Variants in PGLYRP2 observed in about 807,000 individuals in gnomAD.
PGLYRP2 encodes the protein peptidoglycan recognition protein 2.
A neutral mutation model predicts 46.2 loss-of-function variants in PGLYRP2; 38 were observed. That is an observed-to-expected ratio of 0.82 (90% confidence interval 0.64 to 1.08). PGLYRP2 has a LOEUF of 1.08. Among genes scored for constraint, PGLYRP2 ranks in the 50% least tolerant of loss-of-function variants. PGLYRP2 has a pLI of 0.00. For missense variants in PGLYRP2, 713 were observed against 755.9 expected (o/e 0.94, Z 0.67); for synonymous variants, 289 against 329.4 (o/e 0.88, Z 1.33).
At position 15,469,262 on chromosome 19, in the gene PGLYRP2, G is replaced by A; in HGVS notation, c.1641+370C>T. On this transcript the variant is annotated intron_variant, in intron 4 of 4. Transcript: ENST00000340880. The surrounding 1 kb of genome is among the most constrained non-coding windows in gnomAD (Gnocchi z 4.9). ...AGGATGAGGTGGTGCAGCCTGACAG[G>A]TTGTGACTTGGGTAGAGAAGTCATG... 1.7e-6 allele frequency: 1 copy of A among 605,004 alleles called. No individual in the cohort carries two copies. Among genetic ancestry groups the A allele is most frequent in the South Asian group, 1.9e-5 (1 of 51,282 alleles). 37.5% of individuals were successfully genotyped at this position (605,004 alleles called of 1,614,324 possible).
intron 3 of PGLYRP2, among the ~76,000 whole-genome samples, chr19:15,471,477 G>A (rs142967939): frequency 0.023 from 3,352 of 147,948 alleles, 57 homozygotes; most frequent in Middle Eastern, 0.045. Flanking sequence ...ATATTGCTCA[G>A]GCTGGTCTCG....
In PGLYRP2 at chr19:15,475,697, C is replaced by A. The variant is rs1186323864; in HGVS notation, c.973G>T (p.Ala325Ser). 1 of 1,614,036 alleles carries A rather than the reference C, an allele frequency of 6.2e-7. No individual in the cohort carries two copies. Among genetic ancestry groups the A allele is most frequent in the African/African-American group, 1.3e-5 (1 of 74,928 alleles). ...RSNFRRQNGA[A>S]LTSASILAQQ... is the part of the protein sequence containing the mutation. Reference sequence around the variant, plus strand: ...GCCAGGATGGAGGCTGAAGTCAGAGCAGCACCGTTCTGCCGTCGGAAGTTG... The same window carrying A: ...GCCAGGATGGAGGCTGAAGTCAGAGAAGCACCGTTCTGCCGTCGGAAGTTG... The change falls in exon 2 of 5, where the codon GCT becomes TCT. Residue 325 changes from alanine to serine, a missense_variant. Coordinates refer to ENST00000340880, the MANE Select transcript of PGLYRP2 (RefSeq NM_052890.4).
rs1425107090 is a variant in PGLYRP2, at chr19:15,469,423, T to C, written c.1641+209A>G. 6.5e-6 allele frequency: 5 copies of C among 766,148 alleles called. No homozygotes were observed. Among genetic ancestry groups the C allele is most frequent in the Non-Finnish European group, 9.0e-6 (4 of 442,264 alleles). 47.5% of individuals were successfully genotyped at this position (766,148 alleles called of 1,614,324 possible). On this transcript the variant is annotated intron_variant, in intron 4 of 4. Coordinates refer to ENST00000340880, the MANE Select transcript of PGLYRP2 (RefSeq NM_052890.4). The surrounding 1 kb of genome is among the most constrained non-coding windows in gnomAD (Gnocchi z 4.9). ...GGTCTGGGGCTGAGCTGAGGCTGCA[T>C]AGGCAGAAGTCACAGGATCAGGGAT...
chr19:15,471,762 T>G, intron 3 of PGLYRP2, 128 bp downstream of exon 3: 1 of 1,094,090 alleles, frequency 9.1e-7, no homozygotes, highest in African/African-American at 1.6e-5. Context: ...GCTCTACCTA[T>G]CAGGACTCCT....
At position 15,469,936 on chromosome 19, in the gene PGLYRP2, A is replaced by G; in HGVS notation, c.1344-7T>C. 7.1e-7 allele frequency: 1 copy of G among 1,414,836 alleles called. No homozygotes were observed. The highest frequency in any genetic ancestry group is 1.6e-5 in the South Asian group (1 of 63,142). The allele number at this position is 1,414,836 out of a possible 1,614,324, so 87.6% of individuals were successfully genotyped here. On this transcript the variant is annotated splice_polypyrimidine_tract_variant and splice_region_variant and intron_variant, in intron 3 of 4. Transcript: ENST00000340880. The surrounding 1 kb of genome is among the most constrained non-coding windows in gnomAD (Gnocchi z 4.9). ...GTCCGAGCCCACCACGAAACTGCAG[A>G]GGGGAGGGAGAAGCAAGCACCATGC...
chr19:15,476,341 A>T lies in PGLYRP2; in HGVS notation c.329T>A (p.Val110Glu), dbSNP rs1469408225. 6.2e-7 allele frequency: 1 copy of T among 1,614,106 alleles called. No homozygotes were observed. Among genetic ancestry groups the T allele is most frequent in the Non-Finnish European group, 8.5e-7 (1 of 1,180,004 alleles). ...HDVREGKEYG[V>E]VLAPDGSTVA... ...GGTCGAGCCATCAGGTGCCAGCACC[A>T]CCCCATATTCCTTCCCTTCTCGTAC... is the stretch of plus-strand genomic sequence containing the variant. Residue 110 changes from valine to glutamate, a missense_variant, in exon 2 of 5, where the codon GTG becomes GAG. Physicochemically the swap from Val to Glu is moderately radical, Grantham distance 121. Coordinates refer to ENST00000340880, the MANE Select transcript of PGLYRP2 (RefSeq NM_052890.4).
At chr19:15,471,852 CG>C in intron 3 of PGLYRP2, 37 bp downstream of exon 3, 3 of 1,596,966 alleles carry the variant, frequency 1.9e-6, no homozygotes, top group Non-Finnish European at 2.6e-6. Flanking sequence ...CATCCCCGAA[CG>C]TGGGCCCCGC....
Position 15,472,106 on chromosome 19 carries a change from G to A in PGLYRP2, c.1133-6C>T, listed in dbSNP as rs1970756070. On this transcript the variant is annotated splice_polypyrimidine_tract_variant and splice_region_variant and intron_variant, in intron 2 of 4. Coordinates refer to ENST00000340880, the MANE Select transcript of PGLYRP2 (RefSeq NM_052890.4). The stretch of plus-strand genomic sequence containing the variant: ...GGGGTGGATGGCCGGGCATCCTACA[G>A]GCAAGGGGGTTGAAGGCTGGGGTCA... 2 of 1,598,240 alleles carry A rather than the reference G, an allele frequency of 1.3e-6. No homozygotes were observed. Among genetic ancestry groups the A allele is most frequent in the African/African-American group, 1.3e-5 (1 of 74,860 alleles).
chr19:15,474,085 C>A (rs1970774096), intron 2 of PGLYRP2, among the ~76,000 whole-genome samples: 1 of 152,122 alleles, frequency 6.6e-6, no homozygotes, highest in African/African-American at 2.4e-5. Context: ...ACTGTAACCC[C>A]AGCACTTTGG....
intron 3 of PGLYRP2, among the ~76,000 whole-genome samples, chr19:15,470,616 C>T (rs1389121278): frequency 7.0e-6 from 1 of 143,648 alleles, no homozygotes; most frequent in African/African-American, 2.6e-5. Context: ...CTTCTCCCCT[C>T]CCCTCGCCAC....
chr19:15,478,868 C>T (rs1301663526), intron 1 of PGLYRP2, among the ~76,000 whole-genome samples: 3 of 151,940 alleles, frequency 2.0e-5, no homozygotes, highest in African/African-American at 2.4e-5. Context: ...GTGATCTGCC[C>T]GCCTTGATCT....
intron 2 of PGLYRP2, among the ~76,000 whole-genome samples, chr19:15,474,051 A>G (rs955183742): frequency 2.6e-5 from 4 of 152,186 alleles, no homozygotes; most frequent in Non-Finnish European, 2.9e-5. Context: ...TTAAAAAGAC[A>G]GAAAAGCCGG....
At position 15,474,511 on chromosome 19, in the gene PGLYRP2, ATTAAC is replaced by A. The variant is rs1217376952; in HGVS notation, c.1132+1022_1132+1026del. Among the ~76,000 whole-genome samples the A allele has an allele frequency of 4.6e-5, 7 of 152,334 alleles. No homozygotes were observed. The East Asian group carries it at 1.2e-3, about 25-fold the overall frequency. ...CTATTCACAATAGCAAAGGTAAGAA[ATTAAC>A]TTAACTGTCCATCAAAAGAGAATTG... On this transcript the variant is annotated intron_variant, in intron 2 of 4. Transcript: ENST00000340880.
At chr19:15,479,197 T>C (rs878913728) in intron 1 of PGLYRP2, 114 bp downstream of exon 1, 1 of 1,099,660 alleles carries the variant, frequency 9.1e-7, no homozygotes, top group African/African-American at 1.6e-5. Context: ...TGGAGCTTCT[T>C]TGAGAGCTTG....
Position 15,476,591 on chromosome 19 carries a change from T to G in PGLYRP2, c.79A>C (p.Met27Leu). ...GCCAGGGCCTGGATGACAGAGTCCA[T>G]GAGCAGGGGCAGGGAGGCTGCAGGA... is the stretch of plus-strand genomic sequence containing the variant. ...DPGTASLPLL[M>L]DSVIQALAEL... is the part of the protein sequence containing the mutation. The change falls in exon 2 of 5, where the codon ATG (methionine) becomes CTG (leucine). Residue 27 changes from methionine to leucine, a missense_variant. Physicochemically the swap from Met to Leu is conservative, Grantham distance 15. Transcript: ENST00000340880. 6.2e-7 allele frequency: 1 copy of G among 1,605,512 alleles called. No homozygotes were observed. The highest frequency in any genetic ancestry group is 1.1e-5 in the South Asian group (1 of 89,916).
rs767223075 is a variant in PGLYRP2 at position 15,476,463 on chromosome 19, G to T, written c.207C>A (p.Phe69Leu). The T allele has an allele frequency of 1.2e-6, 2 of 1,614,190 alleles. No homozygotes were observed. Among genetic ancestry groups the T allele is most frequent in the Non-Finnish European group, 1.7e-6 (2 of 1,180,042 alleles). ...CATTGAGGCTCCATGCCCCCAGCAGGAAGTGGTAGAGGCGATTGTGGGGGC... is the reference window on the plus strand; with the variant it reads ...CATTGAGGCTCCATGCCCCCAGCAGTAAGTGGTAGAGGCGATTGTGGGGGC... Reference protein sequence around the residue: ...NSGPHNRLYHFLLGAWSLNAT... With the variant: ...NSGPHNRLYHLLLGAWSLNAT... The change falls in exon 2 of 5, where the codon TTC (phenylalanine) becomes TTA (leucine). Residue 69 changes from phenylalanine (F) to leucine (L), a missense_variant. By Grantham distance (22) the Phe-to-Leu change is conservative (BLOSUM62 0). Coordinates refer to ENST00000340880, the MANE Select transcript of PGLYRP2 (RefSeq NM_052890.4).
At chr19:15,471,283 T>A (rs1011142265) in intron 3 of PGLYRP2, among the ~76,000 whole-genome samples, 3 of 151,976 alleles carry the variant, frequency 2.0e-5, no homozygotes, top group African/African-American at 7.2e-5. Flanking sequence ...TGGCTAATTT[T>A]TTTGTATTTT....
chr19:15,471,918 T>C lies in PGLYRP2; in HGVS notation c.1315A>G (p.Thr439Ala). 1 of 1,611,364 alleles carries C rather than the reference T, an allele frequency of 6.2e-7. No individual in the cohort carries two copies. The highest frequency in any genetic ancestry group is 8.5e-7 in the Non-Finnish European group (1 of 1,178,402). The change falls in exon 3 of 5, where the codon ACG becomes GCG. Residue 439 changes from threonine (T) to alanine (A), a missense_variant. Physicochemically the swap from Thr to Ala is moderately conservative, Grantham distance 58. Coordinates refer to ENST00000340880, the MANE Select transcript of PGLYRP2 (RefSeq NM_052890.4). Reference protein sequence around the residue: ...MRSMQRYHQDTQGWGDIGYSF... With the variant: ...MRSMQRYHQDAQGWGDIGYSF... ...TAGCCGATGTCTCCCCAGCCTTGCG[T>C]GTCCTGGTGGTAGCGCTGCATGGAG...
chr19:15,476,282 C>T lies in PGLYRP2; in HGVS notation c.388G>A (p.Ala130Thr), dbSNP rs780886152. The change falls in exon 2 of 5, where the codon GCA becomes ACA. Residue 130 changes from alanine (A) to threonine (T), a missense_variant. Physicochemically the swap from Ala to Thr is moderately conservative, Grantham distance 58. Transcript: ENST00000340880. Reference protein sequence around the residue: ...AVEPLLAGLEAGLQGRRVINL... With the variant: ...AVEPLLAGLETGLQGRRVINL... The stretch of plus-strand genomic sequence containing the variant: ...ATGACCCTGCGCCCTTGCAGCCCTG[C>T]CTCCAGCCCCGCCAGCAGAGGCTCC... The T allele has an allele frequency of 1.2e-6, 2 of 1,614,184 alleles. No individual in the cohort carries two copies. The highest frequency in any genetic ancestry group is 2.2e-5 in the South Asian group (2 of 91,084).
Sources: gnomAD v4.1 joint callset for allele counts (sites outside exome capture counted in the v4.1 genomes callset) on GRCh38, gnomAD v4.1.1 for gene constraint, Gnocchi (gnomAD v3.1) non-coding constraint, MANE v1.5 for transcripts, NCBI Gene and HGNC (gene_info 2026-07-23, HGNC 2026-07-21) for gene names.